DST: variants seen among roughly 807,000 people sequenced by gnomAD.
DST encodes the protein bullous pemphigoid antigen.
A neutral mutation model predicts 875.2 loss-of-function variants in DST; 253 were observed. That is an observed-to-expected ratio of 0.29 (90% confidence interval 0.26 to 0.32). The LOEUF (loss-of-function observed/expected upper bound fraction) is 0.32, where lower values mean the gene tolerates loss of function less well. DST is among the 10% of genes least tolerant of loss of function. The pLI is 1.00. For synonymous variants in DST, 3,124 were observed against 3,197.1 expected (o/e 0.98, Z 0.77); for missense variants, 8,287 against 9,111.6 (o/e 0.91, Z 3.68).
Position 56,606,526 on chromosome 6 carries a change from T to C in DST, c.8102A>G (p.Asp2701Gly), listed in dbSNP as rs1428378049. ...ATTTAAATGTATTTTTTCACCAGAA[T>C]CTAATTCATCTTTCTCAACATCCAT... ...FLMDVEKDEL[D>G]SGEKIHLNPV... Residue 2701 changes from aspartate (D) to glycine (G), a missense_variant, in exon 40 of 104, where the codon GAT (aspartate) becomes GGT (glycine). Around this residue, in one of 10 missense-constraint regions of DST, gnomAD observed 3,138 missense variants for 3,116.6 expected, o/e 1.01. Transcript: ENST00000680361. The C allele has an allele frequency of 1.2e-6, 2 of 1,613,366 alleles. No homozygotes were observed. Among genetic ancestry groups the C allele is most frequent in the Admixed American group, 1.7e-5 (1 of 59,870 alleles).
At position 56,592,496 on chromosome 6, in the gene DST, G is replaced by C. The variant is rs1032757960; in HGVS notation, c.12727-138C>G. On this transcript the variant is annotated intron_variant, in intron 48 of 103. Coordinates refer to ENST00000680361, the MANE Select transcript of DST (RefSeq NM_001374736.1). ...CCAAAGTTAATAAAAACTCTGTTGG[G>C]CTAAGATTTCCTCCTTTATATGAAG... 3 of 751,204 alleles carry C rather than the reference G, an allele frequency of 4.0e-6. No homozygotes were observed. In the Admixed American group the frequency reaches 9.0e-5, roughly 23 times the overall value. 46.5% of individuals were successfully genotyped at this position (751,204 alleles called of 1,614,324 possible).
intron 29 of DST, 78 bp downstream of exon 29, chr6:56,631,805 C>T: frequency 1.5e-6 from 2 of 1,369,174 alleles, no homozygotes; most frequent in South Asian, 1.2e-5. Context: ...CAAAACTGAA[C>T]ATTAAGAAGT....
rs2098718144 is a variant in DST, at chr6:56,624,672, C to T, written c.4831-44G>A. 3.1e-6 allele frequency: 4 copies of T among 1,296,702 alleles called. No homozygotes were observed. The East Asian group carries it at 9.3e-5, about 30-fold the overall frequency. The allele number at this position is 1,296,702 out of a possible 1,614,324, so 80.3% of individuals were successfully genotyped here. On this transcript the variant is annotated intron_variant, in intron 35 of 103. Coordinates refer to ENST00000680361, the MANE Select transcript of DST (RefSeq NM_001374736.1). ...ATAATAAAAGCATTACCTCCAGTTA[C>T]TCTTACTAAGTTGAATGAATTTTGA...
At chr6:56,713,483 C>T (rs1407187845) in intron 5 of DST, among the ~76,000 whole-genome samples, 2 of 152,170 alleles carry the variant, frequency 1.3e-5, no homozygotes, top group South Asian at 2.1e-4. Context: ...TCTTACATGG[C>T]TCTATCCTTA....
intron 46 of DST, 62 bp from the exon 47 acceptor site, chr6:56,598,068 T>C (rs1273797933): frequency 2.1e-6 from 3 of 1,425,234 alleles, no homozygotes; most frequent in Non-Finnish European, 2.8e-6. Flanking sequence ...TTTTAAGACA[T>C]TCCAAAAGTA....
chr6:56,787,217 T>C (rs990274542), intron 4 of DST, among the ~76,000 whole-genome samples: 2 of 152,292 alleles, frequency 1.3e-5, no homozygotes, highest in South Asian at 4.1e-4. Context: ...CATGAGTTGG[T>C]AGGATAGACT....
intron 4 of DST, among the ~76,000 whole-genome samples, chr6:56,791,852 G>A (rs1470306628): frequency 1.3e-5 from 2 of 151,054 alleles, no homozygotes; most frequent in African/African-American, 4.9e-5. Context: ...CCTATTGAAA[G>A]GGTATGGATA....
At chr6:56,674,908 C>G (rs1427370002) in intron 9 of DST, among the ~76,000 whole-genome samples, 1 of 152,140 alleles carries the variant, frequency 6.6e-6, no homozygotes, top group African/African-American at 2.4e-5. Context: ...ATAGAAGAAA[C>G]AATCCTTCAA....
rs2099387292 is a variant in DST, at chr6:56,714,191, T to C, written c.688-9822A>G. On this transcript the variant is annotated intron_variant, in intron 5 of 103. Coordinates refer to ENST00000680361, the MANE Select transcript of DST (RefSeq NM_001374736.1). This position sits in a 1 kb window ranked among gnomAD's most constrained non-coding sequence, Gnocchi z 4.5. ...TAAAATAAAACCACCCAAAATCATATCTGGGGAACTGATATGTTTGGAATG... is the reference window on the plus strand; with the variant it reads ...TAAAATAAAACCACCCAAAATCATACCTGGGGAACTGATATGTTTGGAATG... Among the ~76,000 whole-genome samples the C allele has an allele frequency of 6.6e-6, 1 of 152,156 alleles. No homozygotes were observed. The highest frequency in any genetic ancestry group is 2.4e-5 in the African/African-American group (1 of 41,430).
At chr6:56,570,585 T>C (rs562889111) in intron 53 of DST, among the ~76,000 whole-genome samples, 101 of 152,206 alleles carry the variant, frequency 6.6e-4, no homozygotes, top group African/African-American at 2.1e-3. Flanking sequence ...CAGCTGTAAA[T>C]ACAGATGAAG....
In DST at chr6:56,640,133, A is replaced by AT. The variant is rs1347889514; in HGVS notation, c.2490+9dup. ...ACTGAAACACTCAGGTAAAGTAAAC[A>AT]TTTTTTTACCTGCATCTCATCAACC... On this transcript the variant is annotated intron_variant, in intron 18 of 103. Transcript: ENST00000680361. 2.5e-6 allele frequency: 4 copies of AT among 1,612,758 alleles called. No individual in the cohort carries two copies. Among genetic ancestry groups the AT allele is most frequent in the Non-Finnish European group, 3.4e-6 (4 of 1,178,868 alleles).
intron 4 of DST, among the ~76,000 whole-genome samples, chr6:56,780,643 T>C (rs941787694): frequency 2.6e-5 from 4 of 151,724 alleles, no homozygotes; most frequent in South Asian, 2.1e-4. Flanking sequence ...GTCAGATGAG[T>C]AGGTTGCAAA....
intron 2 of DST, among the ~76,000 whole-genome samples, chr6:56,933,513 A>G (rs953665298): frequency 3.9e-5 from 6 of 152,216 alleles, no homozygotes; most frequent in Non-Finnish European, 8.8e-5. Flanking sequence ...GTGCCAGGTG[A>G]GCAGGCCCCA....
intron 4 of DST, among the ~76,000 whole-genome samples, chr6:56,759,866 TG>T (rs1336404749): frequency 6.6e-6 from 1 of 152,236 alleles, no homozygotes; most frequent in African/African-American, 2.4e-5. Context: ...TCCTTCCACC[TG>T]CCATTCTTGT....
At chr6:56,808,605 AT>A (rs1481001555) in intron 4 of DST, among the ~76,000 whole-genome samples, 1 of 152,242 alleles carries the variant, frequency 6.6e-6, no homozygotes, top group African/African-American at 2.4e-5. Flanking sequence ...CATTCCTTTA[AT>A]AAAGAAGACT....
At chr6:56,900,335 A>T (rs755412629) in intron 3 of DST, 86 bp downstream of exon 3, 2 of 1,123,150 alleles carry the variant, frequency 1.8e-6, no homozygotes, top group Non-Finnish European at 2.4e-6. Flanking sequence ...TTCAAAGTTA[A>T]TCTGATAATG....
intron 60 of DST, among the ~76,000 whole-genome samples, chr6:56,553,888 G>T (rs542063414): frequency 6.6e-6 from 1 of 152,170 alleles, no homozygotes; most frequent in Non-Finnish European, 1.5e-5. Flanking sequence ...ACAGATGAGA[G>T]GGGAAAACAA....
intron 36 of DST, chr6:56,616,282 A>G: frequency 6.2e-7 from 1 of 1,614,084 alleles, no homozygotes; most frequent in East Asian, 2.2e-5. Context: ...ATCCTGTTTT[A>G]GTATCAGTCA....
At chr6:56,760,819 A>C (rs2099615375) in intron 4 of DST, among the ~76,000 whole-genome samples, 1 of 152,228 alleles carries the variant, frequency 6.6e-6, no homozygotes, top group African/African-American at 2.4e-5. Context: ...CATAAAGTGG[A>C]TAGTATAATT....
Sources: gnomAD v4.1 joint callset for allele counts (sites outside exome capture counted in the v4.1 genomes callset) on GRCh38, gnomAD v4.1.1 for gene constraint, gnomAD v4.1.1 regional missense constraint, Gnocchi (gnomAD v3.1) non-coding constraint, MANE v1.5 for transcripts, NCBI Gene and HGNC (gene_info 2026-07-23, HGNC 2026-07-21) for gene names.